SORCS3: variants seen among roughly 807,000 people sequenced by gnomAD.
SORCS3 encodes sortilin related VPS10 domain containing receptor 3, also known as VPS10 domain-containing receptor SorCS3.
SORCS3 carries 57 observed loss-of-function variants against 146.3 expected under a neutral mutation model. That is an observed-to-expected ratio of 0.39 (90% CI 0.31 to 0.49). The LOEUF (loss-of-function observed/expected upper bound fraction) is 0.49. SORCS3 is among the 20% of genes least tolerant of loss of function. SORCS3 has a pLI of 0.92. For missense variants in SORCS3, 1,341 were observed against 1,575.5 expected (o/e 0.85, Z 2.52); for synonymous variants, 653 against 618.5 (o/e 1.06, Z -0.83).
chr10:105,214,364 T>TG (rs768777671), intron 17 of SORCS3, 78 bp from the exon 18 acceptor site: 79,163 of 1,099,196 alleles, frequency 0.072, 2,535 homozygotes, highest in Non-Finnish European at 0.081. Context: ...ATTCCCTTTA[T>TG]AACACACACA....
chr10:105,248,138 A>G (rs2056878242), intron 22 of SORCS3, among the ~76,000 whole-genome samples: 3 of 152,234 alleles, frequency 2.0e-5, no homozygotes, highest in Admixed American at 1.3e-4. Context: ...GTTTTGTTAA[A>G]CATTTTCTCA....
chr10:104,921,439 C>T (rs2133603767), intron 3 of SORCS3, among the ~76,000 whole-genome samples: 1 of 152,002 alleles, frequency 6.6e-6, no homozygotes. Context: ...ACACACTGGT[C>T]TAACAGCCAG....
chr10:104,861,098 C>G (rs1165689984), intron 2 of SORCS3, among the ~76,000 whole-genome samples: 2 of 152,126 alleles, frequency 1.3e-5, no homozygotes, highest in Admixed American at 6.5e-5. Context: ...TCCTTCCTTC[C>G]TGTAAAGATT....
At chr10:105,009,120 A>G (rs1338354117) in intron 4 of SORCS3, among the ~76,000 whole-genome samples, 2 of 152,168 alleles carry the variant, frequency 1.3e-5, no homozygotes, top group Non-Finnish European at 2.9e-5. Flanking sequence ...CCTTTTTTAT[A>G]TCATAATAAC....
chr10:104,911,522 G>T (rs2018967452), intron 2 of SORCS3, among the ~76,000 whole-genome samples: 1 of 152,210 alleles, frequency 6.6e-6, no homozygotes, highest in South Asian at 2.1e-4. Context: ...GAAGTTTGTT[G>T]TGACTTCCAT....
intron 1 of SORCS3, among the ~76,000 whole-genome samples, chr10:104,736,427 A>C (rs1009768873): frequency 7.2e-5 from 11 of 152,202 alleles, no homozygotes; most frequent in African/African-American, 2.7e-4. Context: ...CACATTCCAC[A>C]TGGTACACGG....
chr10:105,125,676 TATCC>T (rs200811822), intron 7 of SORCS3, among the ~76,000 whole-genome samples: 5 of 13,532 alleles, frequency 3.7e-4, no homozygotes, highest in South Asian at 4.7e-3. Flanking sequence ...CATCACTGAA[TATCC>T]ACACACACAC....
At chr10:104,723,903 C>T (rs2016585670) in intron 1 of SORCS3, among the ~76,000 whole-genome samples, 1 of 152,180 alleles carries the variant, frequency 6.6e-6, no homozygotes, top group South Asian at 2.1e-4. Context: ...GAATACAGCA[C>T]ACTGATGGGT....
At chr10:104,657,095 C>G (rs1390591354) in intron 1 of SORCS3, among the ~76,000 whole-genome samples, 2 of 152,148 alleles carry the variant, frequency 1.3e-5, no homozygotes, top group Non-Finnish European at 2.9e-5. Context: ...TATCAAGAAG[C>G]ATGTGTGTTT....
chr10:104,761,859 A>T (rs1473404290), intron 1 of SORCS3, among the ~76,000 whole-genome samples: 1 of 152,218 alleles, frequency 6.6e-6, no homozygotes, highest in Non-Finnish European at 1.5e-5. Flanking sequence ...GTGGTATCTT[A>T]TCAGCAAGCT....
chr10:105,242,789 T>C (rs2056841303), intron 20 of SORCS3, among the ~76,000 whole-genome samples: 1 of 105,026 alleles, frequency 9.5e-6, no homozygotes, highest in South Asian at 2.9e-4. Context: ...TATATATTTA[T>C]ATACATTTAT....
At chr10:105,256,719 T>C in intron 24 of SORCS3, 100 bp from the exon 25 acceptor site, 3 of 826,000 alleles carry the variant, frequency 3.6e-6, no homozygotes, top group East Asian at 5.2e-5. Context: ...GACATAAGGA[T>C]GGAGATCAGT....
chr10:104,705,563 A>G (rs1328210298), intron 1 of SORCS3, among the ~76,000 whole-genome samples: 1 of 152,248 alleles, frequency 6.6e-6, no homozygotes, highest in East Asian at 1.9e-4. Context: ...CAATGTAATT[A>G]TAATGACATG....
chr10:104,726,502 C>G (rs141043631), intron 1 of SORCS3, among the ~76,000 whole-genome samples: 40 of 152,040 alleles, frequency 2.6e-4, no homozygotes, highest in African/African-American at 7.7e-4. Flanking sequence ...TGACCTAAAC[C>G]CCAGGACCAA....
At chr10:104,880,586 G>A (rs993088673) in intron 2 of SORCS3, among the ~76,000 whole-genome samples, 3 of 151,570 alleles carry the variant, frequency 2.0e-5, no homozygotes, top group East Asian at 3.9e-4. Flanking sequence ...GGGGGCAGGG[G>A]CTTCCTTGGT....
At chr10:104,762,244 C>G (rs1207019595) in intron 1 of SORCS3, among the ~76,000 whole-genome samples, 2 of 152,126 alleles carry the variant, frequency 1.3e-5, no homozygotes, top group Non-Finnish European at 2.9e-5. Flanking sequence ...TGTTGCCTGA[C>G]CATTTGTGGT....
In SORCS3 at chr10:105,223,219, C is replaced by A. The variant is rs1350299700; in HGVS notation, c.2838C>A (p.Thr946=). 1.2e-6 allele frequency: 2 copies of A among 1,612,382 alleles called. No homozygotes were observed. The highest frequency in any genetic ancestry group is 1.7e-6 in the Non-Finnish European group (2 of 1,178,852). The change falls in exon 20 of 27, where the codon ACC becomes ACA. Residue 946 remains threonine, a synonymous_variant. Coordinates refer to ENST00000369701, the MANE Select transcript of SORCS3 (RefSeq NM_014978.3). ...VVWPSQLGTL[T]YFWWFGNSTK... The stretch of plus-strand genomic sequence containing the variant: ...GGCCCAGTCAACTGGGGACCCTTAC[C>A]TATTTCTGGTGGTTCGGCAATAGCA...
chr10:104,769,908 G>T (rs1202340269), intron 1 of SORCS3, among the ~76,000 whole-genome samples: 3 of 152,140 alleles, frequency 2.0e-5, no homozygotes, highest in African/African-American at 7.2e-5. Context: ...TCTTTTGGGG[G>T]CCATTTGGGA....
intron 1 of SORCS3, among the ~76,000 whole-genome samples, chr10:104,790,957 A>C (rs2017489482): frequency 6.6e-6 from 1 of 152,218 alleles, no homozygotes; most frequent in Non-Finnish European, 1.5e-5. Context: ...TGCTTTGCAT[A>C]AGGACTAAAA....
Sources: gnomAD v4.1 joint callset for allele counts (sites outside exome capture counted in the v4.1 genomes callset) on GRCh38, gnomAD v4.1.1 for gene constraint, MANE v1.5 for transcripts, NCBI Gene and HGNC (gene_info 2026-07-23, HGNC 2026-07-21) for gene names.